Variants in MCAM observed in about 807,000 individuals in gnomAD.
The protein encoded by MCAM is melanoma cell adhesion molecule.
MCAM carries 55 observed loss-of-function variants against 79.1 expected under a neutral mutation model. That is an observed-to-expected ratio of 0.70 (90% CI 0.56 to 0.87). The LOEUF (loss-of-function observed/expected upper bound fraction) is 0.87. Among genes scored for constraint, MCAM ranks in the 40% least tolerant of loss-of-function variants. MCAM has a pLI of 0.00. For synonymous variants in MCAM, 330 were observed against 339.8 expected, an observed-to-expected ratio of 0.97 and a Z score of 0.32; for missense variants, 745 against 839.8, an observed-to-expected ratio of 0.89 and a Z score of 1.40.
In MCAM at chr11:119,311,703, C is replaced by G. The variant is rs751010469; in HGVS notation, c.1286-52G>C. The G allele has an allele frequency of 8.7e-6, 14 of 1,612,136 alleles. No individual in the cohort carries two copies. Among genetic ancestry groups the G allele is most frequent in the Non-Finnish European group, 9.3e-6 (11 of 1,178,742 alleles). ...GGCAAGCCCAGCTAGCCTGCCTCCC[C>G]CTCCGCACCAGAGCTCCCCAGGGCA... On this transcript the variant is annotated intron_variant, in intron 10 of 15. Transcript: ENST00000264036. The surrounding 1 kb of genome is among the most constrained non-coding windows in gnomAD (Gnocchi z 4.4).
intron 5 of MCAM, chr11:119,313,495 G>A: frequency 7.8e-6 from 3 of 385,486 alleles, no homozygotes; most frequent in Non-Finnish European, 1.4e-5. Context: ...CCTCCCTCCC[G>A]GCTTCAAGTG....
At chr11:119,310,303 G>T in intron 15 of MCAM, 46 bp downstream of exon 15, 1 of 1,252,006 alleles carries the variant, frequency 8.0e-7, no homozygotes, top group Non-Finnish European at 1.2e-6. Flanking sequence ...ACTGCCCCCG[G>T]TCCCTGAGGA....
In MCAM at chr11:119,311,708, G is replaced by A. The variant is rs1029325895; in HGVS notation, c.1286-57C>T. ...GCCCAGCTAGCCTGCCTCCCCCTCC[G>A]CACCAGAGCTCCCCAGGGCAGCAGG... On this transcript the variant is annotated intron_variant, in intron 10 of 15. Transcript: ENST00000264036. This position sits in a 1 kb window ranked among gnomAD's most constrained non-coding sequence, Gnocchi z 4.4. 1.9e-5 allele frequency: 31 copies of A among 1,611,098 alleles called. No individual in the cohort carries two copies. Among genetic ancestry groups the A allele is most frequent in the Middle Eastern group, 1.6e-4 (1 of 6,078 alleles).
chr11:119,316,749 AC>A lies in MCAM; in HGVS notation c.67+285del, dbSNP rs367702796. 3.5e-5 allele frequency: 15 copies of A among 427,034 alleles called. No homozygotes were observed. The highest frequency in any genetic ancestry group is 9.1e-5 in the East Asian group (2 of 22,008). 26.5% of individuals were successfully genotyped at this position (427,034 alleles called of 1,614,324 possible). The stretch of plus-strand genomic sequence containing the variant: ...AGAGTGAGCACCTCAGGGACCACCC[AC>A]CCCCCAGCACCCCGAAAGGCTGAGC... On this transcript the variant is annotated intron_variant, in intron 1 of 15. Transcript: ENST00000264036. The surrounding 1 kb of genome is among the most constrained non-coding windows in gnomAD (Gnocchi z 4.8).
chr11:119,313,680 C>CG (rs1422402952), intron 5 of MCAM: 1 of 233,470 alleles, frequency 4.3e-6, no homozygotes, highest in African/African-American at 2.3e-5. Flanking sequence ...GGATTACAGG[C>CG]GTGAGCCCAG....
Position 119,315,515 on chromosome 11 carries a change from G to T in MCAM, c.68-252C>A, listed in dbSNP as rs552010755. 8 of 506,714 alleles carry T rather than the reference G, an allele frequency of 1.6e-5. No homozygotes were observed. Among genetic ancestry groups the T allele is most frequent in the Non-Finnish European group, 2.9e-5 (8 of 279,972 alleles). The allele number at this position is 506,714 out of a possible 1,614,324, so 31.4% of individuals were successfully genotyped here. A position where few individuals can be genotyped will look rare whatever the true frequency, so the allele number is the denominator to read the frequency against. On this transcript the variant is annotated intron_variant, in intron 1 of 15. Coordinates refer to ENST00000264036, the MANE Select transcript of MCAM (RefSeq NM_006500.3). The surrounding 1 kb of genome is among the most constrained non-coding windows in gnomAD (Gnocchi z 4.4). ...CTGAGCACCGAACAGCTCCAGCTGA[G>T]GCTGGTAGAGGGGCAGAAAGGGGCA...
In MCAM at chr11:119,312,214, G is replaced by T. The variant is rs1324469956; in HGVS notation, c.1025-44C>A. On this transcript the variant is annotated intron_variant, in intron 8 of 15. Coordinates refer to ENST00000264036, the MANE Select transcript of MCAM (RefSeq NM_006500.3). This position sits in a 1 kb window ranked among gnomAD's most constrained non-coding sequence, Gnocchi z 4.9. Reference sequence around the variant, plus strand: ...TGTCACCCAGGGCAGGGTGGGGCCAGTTCCCTATTGCCCCAGCCTGGTCCC... The same window carrying T: ...TGTCACCCAGGGCAGGGTGGGGCCATTTCCCTATTGCCCCAGCCTGGTCCC... 2 of 1,611,238 alleles carry T rather than the reference G, an allele frequency of 1.2e-6. No individual in the cohort carries two copies. The highest frequency in any genetic ancestry group is 3.3e-5 in the Admixed American group (2 of 59,920).
chr11:119,314,329 T>A (rs1293544877), intron 5 of MCAM, 160 bp downstream of exon 5: 1 of 653,606 alleles, frequency 1.5e-6, no homozygotes, highest in African/African-American at 1.8e-5. Flanking sequence ...CTAATTTTTT[T>A]ATTTTCTGTA....
chr11:119,314,205 G>A, intron 5 of MCAM: 1 of 467,868 alleles, frequency 2.1e-6, no homozygotes, highest in South Asian at 2.4e-5. Flanking sequence ...ACCCAGGCCG[G>A]AGTGTGGTGG....
rs1282997800 is a variant in MCAM, at chr11:119,311,704, C to T, written c.1286-53G>A. 1 of 1,611,868 alleles carries T rather than the reference C, an allele frequency of 6.2e-7. No homozygotes were observed. Among genetic ancestry groups the T allele is most frequent in the African/African-American group, 1.3e-5 (1 of 74,884 alleles). The stretch of plus-strand genomic sequence containing the variant: ...GCAAGCCCAGCTAGCCTGCCTCCCC[C>T]TCCGCACCAGAGCTCCCCAGGGCAG... On this transcript the variant is annotated intron_variant, in intron 10 of 15. Coordinates refer to ENST00000264036, the MANE Select transcript of MCAM (RefSeq NM_006500.3). This position sits in a 1 kb window ranked among gnomAD's most constrained non-coding sequence, Gnocchi z 4.4.
In MCAM at chr11:119,312,194, C is replaced by T. The variant is rs576294302; in HGVS notation, c.1025-24G>A. On this transcript the variant is annotated intron_variant, in intron 8 of 15. Coordinates refer to ENST00000264036, the MANE Select transcript of MCAM (RefSeq NM_006500.3). The surrounding 1 kb of genome is among the most constrained non-coding windows in gnomAD (Gnocchi z 4.9). Reference sequence around the variant, plus strand: ...ATCTGGGGGTACAGCAATCATGTCACCCAGGGCAGGGTGGGGCCAGTTCCC... The same window carrying T: ...ATCTGGGGGTACAGCAATCATGTCATCCAGGGCAGGGTGGGGCCAGTTCCC... The T allele has an allele frequency of 2.0e-5, 33 of 1,610,906 alleles. No individual in the cohort carries two copies. The South Asian group carries it at 3.2e-4, about 16-fold the overall frequency.
Position 119,312,787 on chromosome 11 carries a change from A to G in MCAM, c.722T>C (p.Val241Ala). ...GTACTCACAGAAAACAGGGACGGTGACTTCCCTGGACTCCTTCATGTGGTT... is the reference window on the plus strand; with the variant it reads ...GTACTCACAGAAAACAGGGACGGTGGCTTCCCTGGACTCCTTCATGTGGTT... Reference protein sequence around the residue: ...SGNHMKESREVTVPVFYPTEK... With the variant: ...SGNHMKESREATVPVFYPTEK... The change falls in exon 6 of 16, where the codon GTC becomes GCC. Residue 241 changes from valine (V) to alanine (A), a missense_variant. Transcript: ENST00000264036. The surrounding 1 kb of genome is among the most constrained non-coding windows in gnomAD (Gnocchi z 4.9). 1.2e-6 allele frequency: 2 copies of G among 1,614,108 alleles called. No individual in the cohort carries two copies. Among genetic ancestry groups the G allele is most frequent in the East Asian group, 2.2e-5 (1 of 44,880 alleles).
chr11:119,313,336 T>C, intron 5 of MCAM: 3 of 1,298,558 alleles, frequency 2.3e-6, no homozygotes, highest in Non-Finnish European at 3.0e-6. Context: ...TAAAAGAAAT[T>C]GTCTAACAAT....
In MCAM at chr11:119,315,342, G is replaced by T; in HGVS notation, c.68-79C>A. On this transcript the variant is annotated intron_variant, in intron 1 of 15. Transcript: ENST00000264036. The surrounding 1 kb of genome is among the most constrained non-coding windows in gnomAD (Gnocchi z 4.4). Reference sequence around the variant, plus strand: ...CCCCTCCCCTCGCAGCGCTGCTGCAGCTGTTTTTCCTGCCACTCAGAGGGT... The same window carrying T: ...CCCCTCCCCTCGCAGCGCTGCTGCATCTGTTTTTCCTGCCACTCAGAGGGT... The T allele has an allele frequency of 6.6e-7, 1 of 1,511,594 alleles. No homozygotes were observed. Among genetic ancestry groups the T allele is most frequent in the Non-Finnish European group, 8.9e-7 (1 of 1,129,212 alleles). 93.6% of individuals were successfully genotyped at this position (1,511,594 alleles called of 1,614,324 possible). A position where few individuals can be genotyped will look rare whatever the true frequency, so the allele number is the denominator to read the frequency against.
At chr11:119,313,033 G>A in intron 5 of MCAM, 84 bp from the exon 6 acceptor site, 2 of 1,598,074 alleles carry the variant, frequency 1.3e-6, no homozygotes, top group South Asian at 1.1e-5. Context: ...GGTTGGCAGG[G>A]GACCATCTAA....
chr11:119,317,046 G>C lies in MCAM; in HGVS notation c.56C>G (p.Pro19Arg). ...AFLLAACCCC[P>R]RVAGVPGEAE... The stretch of plus-strand genomic sequence containing the variant: ...GCGAGCGAACTCACCCGCGACGCGA[G>C]GACAGCAGCAGCAGGCGGCGAGCAA... Residue 19 changes from proline to arginine, a missense_variant, in exon 1 of 16, where the codon CCT becomes CGT. Physicochemically the swap from Pro to Arg is moderately radical, Grantham distance 103. Coordinates refer to ENST00000264036, the MANE Select transcript of MCAM (RefSeq NM_006500.3). The surrounding 1 kb of genome is among the most constrained non-coding windows in gnomAD (Gnocchi z 6.2). The C allele has an allele frequency of 6.5e-7, 1 of 1,534,426 alleles. No individual in the cohort carries two copies. Among genetic ancestry groups the C allele is most frequent in the Non-Finnish European group, 8.7e-7 (1 of 1,144,528 alleles).
rs774448974 is a variant in MCAM at position 119,310,739 on chromosome 11, G to A, written c.1793+17C>T. ...TGGCAAAACGGGCGGGGGCGGAGGG[G>A]CCGGTGTTGGGCTTACATCTCCTGC... On this transcript the variant is annotated intron_variant, in intron 14 of 15. Transcript: ENST00000264036. The A allele has an allele frequency of 2.7e-5, 44 of 1,610,962 alleles. No homozygotes were observed. The highest frequency in any genetic ancestry group is 3.4e-5 in the Non-Finnish European group (40 of 1,178,278).
In MCAM at chr11:119,311,248, C is replaced by G; in HGVS notation, c.1549+32G>C. On this transcript the variant is annotated intron_variant, in intron 12 of 15. Transcript: ENST00000264036. This position sits in a 1 kb window ranked among gnomAD's most constrained non-coding sequence, Gnocchi z 4.4. ...GTTACTGCCCGTGCCTGGGCCTGCC[C>G]CTGCCATCCCCTGCAGGGATGCAGC... 2 of 1,613,304 alleles carry G rather than the reference C, an allele frequency of 1.2e-6. No homozygotes were observed. Among genetic ancestry groups the G allele is most frequent in the Non-Finnish European group, 8.5e-7 (1 of 1,179,332 alleles).
rs1229263853 is a variant in MCAM, at chr11:119,317,005, G to A, written c.67+30C>T. The A allele has an allele frequency of 2.6e-6, 4 of 1,520,782 alleles. No individual in the cohort carries two copies. The highest frequency in any genetic ancestry group is 1.2e-5 in the South Asian group (1 of 83,096). 94.2% of individuals were successfully genotyped at this position (1,520,782 alleles called of 1,614,324 possible). A position where few individuals can be genotyped will look rare whatever the true frequency, so the allele number is the denominator to read the frequency against. On this transcript the variant is annotated intron_variant, in intron 1 of 15. Transcript: ENST00000264036. This position sits in a 1 kb window ranked among gnomAD's most constrained non-coding sequence, Gnocchi z 6.2. ...CACGCTCCACCGCAGACCCCTAGCCGGGGCGCGGCCCCCCTGCGAGCGAAC... is the reference window on the plus strand; with the variant it reads ...CACGCTCCACCGCAGACCCCTAGCCAGGGCGCGGCCCCCCTGCGAGCGAAC...
Sources: gnomAD v4.1 joint callset for allele counts on GRCh38, gnomAD v4.1.1 for gene constraint, Gnocchi (gnomAD v3.1) non-coding constraint, MANE v1.5 for transcripts, NCBI Gene and HGNC (gene_info 2026-07-23, HGNC 2026-07-21) for gene names.